Variants in FGF6 observed in about 807,000 individuals in gnomAD.
The protein encoded by FGF6 is fibroblast growth factor 6, also known as FGF-6.
FGF6 carries 14 observed loss-of-function variants against 18.4 expected under a neutral mutation model. That is an observed-to-expected ratio of 0.76 (90% CI 0.50 to 1.19). FGF6 has a LOEUF of 1.19. Among genes scored for constraint, FGF6 ranks in the 50% most tolerant of loss-of-function variants. FGF6 has a pLI of 0.00. For synonymous variants in FGF6, 125 were observed against 116.7 expected (o/e 1.07, Z -0.46); for missense variants, 266 against 271.6 (o/e 0.98, Z 0.15).
intron 2 of FGF6, among the ~76,000 whole-genome samples, chr12:4,438,150 A>G (rs1865645791): frequency 6.6e-6 from 1 of 152,242 alleles, no homozygotes; most frequent in South Asian, 2.1e-4. Flanking sequence ...TGAGCAGAAG[A>G]GAATATGCCT....
chr12:4,439,862 C>G (rs969698059), intron 2 of FGF6, among the ~76,000 whole-genome samples: 1 of 152,224 alleles, frequency 6.6e-6, no homozygotes, highest in Non-Finnish European at 1.5e-5. Flanking sequence ...CCGCCCTCAG[C>G]ACCCACATCT....
chr12:4,445,620 C>T lies in FGF6; in HGVS notation c.-50G>A, dbSNP rs201566632. ...TCAGAATTAATGGCCCTAAAAATAC[C>T]GCCCTTCTTGTTTTTCTCCCTCCGG... On this transcript the variant is annotated 5_prime_UTR_variant, in exon 1 of 3. Coordinates refer to ENST00000228837, the MANE Select transcript of FGF6 (RefSeq NM_020996.3). This position sits in a 1 kb window ranked among gnomAD's most constrained non-coding sequence, Gnocchi z 5.5. 1.5e-4 allele frequency: 212 copies of T among 1,422,862 alleles called. No homozygotes were observed. The highest frequency in any genetic ancestry group is 1.8e-4 in the Non-Finnish European group (195 of 1,058,256). 88.1% of individuals were successfully genotyped at this position (1,422,862 alleles called of 1,614,324 possible).
intron 2 of FGF6, among the ~76,000 whole-genome samples, chr12:4,438,361 G>A (rs1024434639): frequency 6.6e-6 from 1 of 152,130 alleles, no homozygotes; most frequent in Non-Finnish European, 1.5e-5. Flanking sequence ...GATGAATATA[G>A]CAACTGATCA....
chr12:4,439,576 G>A lies in FGF6; in HGVS notation c.450+4557C>T, dbSNP rs536718985. ...AAAACATGATTGTTTAAGCATGCAT[G>A]ACCATGGATGCGTAGATTGTACTTT... On this transcript the variant is annotated intron_variant, in intron 2 of 2. Coordinates refer to ENST00000228837, the MANE Select transcript of FGF6 (RefSeq NM_020996.3). Among the ~76,000 whole-genome samples, 4 of 152,170 alleles carry A rather than the reference G, an allele frequency of 2.6e-5. No homozygotes were observed. In the South Asian group the frequency reaches 8.3e-4, roughly 32 times the overall value.
rs377040252 is a variant in FGF6, at chr12:4,445,463, C to A, written c.108G>T (p.Val36=). ...VFLGILVGMV[V]PSPAGTRANN... is the part of the protein sequence containing the mutation. ...TGGCACGGGTGCCTGCAGGCGAGGG[C>A]ACCACCATGCCCACTAGGATGCCTA... The change falls in exon 1 of 3, where the codon GTG becomes GTT. Residue 36 remains valine, a synonymous_variant. Coordinates refer to ENST00000228837, the MANE Select transcript of FGF6 (RefSeq NM_020996.3). This position sits in a 1 kb window ranked among gnomAD's most constrained non-coding sequence, Gnocchi z 5.5. 6.2e-7 allele frequency: 1 copy of A among 1,613,296 alleles called. No individual in the cohort carries two copies. The highest frequency in any genetic ancestry group is 8.5e-7 in the Non-Finnish European group (1 of 1,179,994).
chr12:4,436,742 C>T (rs1172659604), intron 2 of FGF6, among the ~76,000 whole-genome samples: 1 of 152,244 alleles, frequency 6.6e-6, no homozygotes, highest in African/African-American at 2.4e-5. Flanking sequence ...CACGGTGAAA[C>T]TGCCCTCATA....
At chr12:4,444,581 C>G (rs17177165) in intron 1 of FGF6, among the ~76,000 whole-genome samples, 1 of 151,858 alleles carries the variant, frequency 6.6e-6, no homozygotes, top group African/African-American at 2.4e-5. Flanking sequence ...TCTGATTCTT[C>G]TTCTTCTTCT....
Position 4,445,206 on chromosome 12 carries a change from G to A in FGF6, c.346+19C>T, listed in dbSNP as rs1386472472. On this transcript the variant is annotated intron_variant, in intron 1 of 2. Coordinates refer to ENST00000228837, the MANE Select transcript of FGF6 (RefSeq NM_020996.3). The surrounding 1 kb of genome is among the most constrained non-coding windows in gnomAD (Gnocchi z 5.5). The stretch of plus-strand genomic sequence containing the variant: ...GCCCAAACCCCCAAGCGTCCCGACT[G>A]GCTGCAGCTGGCACTCACTGTAGGG... 1 of 1,590,580 alleles carries A rather than the reference G, an allele frequency of 6.3e-7. No homozygotes were observed. The highest frequency in any genetic ancestry group is 8.6e-7 in the Non-Finnish European group (1 of 1,168,166).
At chr12:4,444,267 A>G in intron 1 of FGF6, 31 bp from the exon 2 acceptor site, 1 of 1,458,554 alleles carries the variant, frequency 6.9e-7, no homozygotes. Context: ...ACATTACCTA[A>G]GGCTTGTGCA....
Position 4,434,217 on chromosome 12 carries a change from A to C in FGF6, c.625T>G (p.Ter209GluextTer10). 6.2e-7 allele frequency: 1 copy of C among 1,613,890 alleles called. No individual in the cohort carries two copies. Among genetic ancestry groups the C allele is most frequent in the South Asian group, 1.1e-5 (1 of 91,068 alleles). Residue 209 changes from the stop codon to glutamate, a stop_lost, in exon 3 of 3, where the codon TAA becomes GAA. Coordinates refer to ENST00000228837, the MANE Select transcript of FGF6 (RefSeq NM_020996.3). ...MTVTHFLPRI[*>E] ...TGTGAGCCTTCTTTTGTGGGTCCTT[A>C]GATCCTGGGAAGGAAATGAGTGACA...
rs1865605351 is a variant in FGF6, at chr12:4,434,429, C to CA, written c.451-39dup. 5 of 1,609,652 alleles carry CA rather than the reference C, an allele frequency of 3.1e-6. No individual in the cohort carries two copies. The East Asian group carries it at 1.1e-4, about 36-fold the overall frequency. ...TGGGCAAACAGCAGAGACTGGGTTA[C>CA]AAATGAGGAGTGCTGCAGATGCCAG... On this transcript the variant is annotated intron_variant, in intron 2 of 2. Coordinates refer to ENST00000228837, the MANE Select transcript of FGF6 (RefSeq NM_020996.3).
In FGF6 at chr12:4,445,380, C is replaced by T. The variant is rs1865749268; in HGVS notation, c.191G>A (p.Gly64Glu). 3 of 1,613,958 alleles carry T rather than the reference C, an allele frequency of 1.9e-6. No individual in the cohort carries two copies. The highest frequency in any genetic ancestry group is 2.5e-6 in the Non-Finnish European group (3 of 1,180,026). ...WGTLLSRSRA[G>E]LAGEIAGVNW... ...CACCCCGGCAATCTCTCCAGCTAGC[C>T]CGGCGCGAGACCTGGACAGCAGGGT... The change falls in exon 1 of 3, where the codon GGG becomes GAG. Residue 64 changes from glycine (G) to glutamate (E), a missense_variant. Gly to Glu is a moderately conservative substitution (Grantham distance 98). Transcript: ENST00000228837. The surrounding 1 kb of genome is among the most constrained non-coding windows in gnomAD (Gnocchi z 5.5).
In FGF6 at chr12:4,445,196, C is replaced by A; in HGVS notation, c.346+29G>T. 1 of 1,568,172 alleles carries A rather than the reference C, an allele frequency of 6.4e-7. No individual in the cohort carries two copies. Among genetic ancestry groups the A allele is most frequent in the Non-Finnish European group, 8.7e-7 (1 of 1,154,052 alleles). On this transcript the variant is annotated intron_variant, in intron 1 of 2. Coordinates refer to ENST00000228837, the MANE Select transcript of FGF6 (RefSeq NM_020996.3). This position sits in a 1 kb window ranked among gnomAD's most constrained non-coding sequence, Gnocchi z 5.5. Reference sequence around the variant, plus strand: ...CCCTGCATGAGCCCAAACCCCCAAGCGTCCCGACTGGCTGCAGCTGGCACT... The same window carrying A: ...CCCTGCATGAGCCCAAACCCCCAAGAGTCCCGACTGGCTGCAGCTGGCACT...
intron 2 of FGF6, among the ~76,000 whole-genome samples, chr12:4,442,885 C>T (rs1364311031): frequency 6.6e-6 from 1 of 152,222 alleles, no homozygotes; most frequent in Non-Finnish European, 1.5e-5. Context: ...CCCAAGCCTG[C>T]CTGTTCCTCA....
chr12:4,434,892 C>T (rs533123021), intron 2 of FGF6, among the ~76,000 whole-genome samples: 1 of 152,286 alleles, frequency 6.6e-6, no homozygotes, highest in Admixed American at 6.5e-5. Flanking sequence ...GGTTCCTCCC[C>T]TTGCAGCCTC....
rs1399983761 is a variant in FGF6, at chr12:4,445,663, A to G, written c.-93T>C. 1.3e-5 allele frequency: 14 copies of G among 1,071,702 alleles called. No homozygotes were observed. The East Asian group carries it at 1.6e-4, about 12-fold the overall frequency. 66.4% of individuals were successfully genotyped at this position (1,071,702 alleles called of 1,614,324 possible). On this transcript the variant is annotated 5_prime_UTR_variant, in exon 1 of 3. It removes the in-frame stop codon of an upstream open reading frame in the 5' UTR. Coordinates refer to ENST00000228837, the MANE Select transcript of FGF6 (RefSeq NM_020996.3). The surrounding 1 kb of genome is among the most constrained non-coding windows in gnomAD (Gnocchi z 5.5). The stretch of plus-strand genomic sequence containing the variant: ...CCCTCCGGCATGGCGGCAGGGGCTT[A>G]TTTTTGGAAGGCAGATGAAGGCTGC...
intron 2 of FGF6, among the ~76,000 whole-genome samples, chr12:4,437,822 G>T (rs1169496161): frequency 2.6e-5 from 4 of 151,136 alleles, no homozygotes; most frequent in Non-Finnish European, 5.9e-5. Context: ...ATTCCAAAGG[G>T]AGTAAAGATT....
chr12:4,438,798 T>C (rs562154515), intron 2 of FGF6, among the ~76,000 whole-genome samples: 43 of 137,074 alleles, frequency 3.1e-4, no homozygotes, highest in African/African-American at 1.1e-3. Flanking sequence ...CTAACTCAAT[T>C]ATGGTAGATC....
rs1189111092 is a variant in FGF6 at position 4,437,139 on chromosome 12, A to ACTG, written c.451-2749_451-2748insCAG. On this transcript the variant is annotated intron_variant, in intron 2 of 2. Transcript: ENST00000228837. The stretch of plus-strand genomic sequence containing the variant: ...AGAACAGTAAGAAAAATTGTGTCAT[A>ACTG]GAACTGGAGTAAGCATTAATTGAAA... Among the ~76,000 whole-genome samples the ACTG allele has an allele frequency of 5.5e-3, 833 of 152,342 alleles. 10 individuals are homozygous for ACTG. Among genetic ancestry groups the ACTG allele is most frequent in the African/African-American group, 0.019 (796 of 41,578 alleles).
Sources: allele counts gnomAD v4.1 joint callset (sites outside exome capture counted in the v4.1 genomes callset), GRCh38; gene constraint gnomAD v4.1.1; non-coding constraint Gnocchi (gnomAD v3.1); transcripts MANE v1.5; gene names NCBI Gene and HGNC (gene_info 2026-07-23, HGNC 2026-07-21).